The following IPCEF1 variants were observed in gnomAD, a reference collection of about 807,000 sequenced individuals.
The protein encoded by IPCEF1 is interactor protein for cytohesin exchange factors 1.
A neutral mutation model predicts 50.9 loss-of-function variants in IPCEF1; 31 were observed. The ratio of observed to expected loss-of-function variants is 0.61; its 90% confidence interval spans 0.46 to 0.82. The LOEUF is 0.82. Ranked by LOEUF, IPCEF1 falls within the 40% of genes least tolerant of loss-of-function variation. The pLI is 0.00. For synonymous variants in IPCEF1, 181 were observed against 192.0 expected (o/e 0.94, Z 0.47); for missense variants, 458 against 514.0 (o/e 0.89, Z 1.05).
At chr6:154,164,492 G>C (rs943516339) in intron 11 of IPCEF1, among the ~76,000 whole-genome samples, 12 of 152,348 alleles carry the variant, frequency 7.9e-5, no homozygotes, top group African/African-American at 2.9e-4. Context: ...CAGCAGCCCA[G>C]CTTCTCCTGG....
At chr6:154,194,347 T>C (rs2281618) in intron 10 of IPCEF1, among the ~76,000 whole-genome samples, 103,497 of 152,004 alleles carry the variant, frequency 0.68, 36,004 homozygotes, top group East Asian at 0.89. Context: ...TGCCGTGAGC[T>C]GAGATCACAC....
At chr6:154,269,809 G>A (rs961147456) in intron 2 of IPCEF1, among the ~76,000 whole-genome samples, 4 of 152,136 alleles carry the variant, frequency 2.6e-5, no homozygotes, top group Non-Finnish European at 5.9e-5. Flanking sequence ...AAGAAATGAG[G>A]GCTATGGAGA....
rs1300871403 is a variant in IPCEF1 at position 154,314,570 on chromosome 6, C to T, written c.-61-24814G>A. Among the ~76,000 whole-genome samples the T allele has an allele frequency of 2.6e-5, 4 of 152,030 alleles. No individual in the cohort carries two copies. The East Asian group carries it at 5.8e-4, about 22-fold the overall frequency. On this transcript the variant is annotated intron_variant, in intron 1 of 11. Coordinates refer to ENST00000367220, the MANE Select transcript of IPCEF1 (RefSeq NM_001130700.2). ...GTGTTTCTCTTTCTACCTTAGTATC[C>T]TAAGAATTCCTTTGCCTCATCTAAC... is the stretch of plus-strand genomic sequence containing the variant.
intron 2 of IPCEF1, among the ~76,000 whole-genome samples, chr6:154,281,824 G>GA (rs1328042657): frequency 6.6e-6 from 1 of 152,172 alleles, no homozygotes; most frequent in Non-Finnish European, 1.5e-5. Flanking sequence ...CCAACATGGT[G>GA]AAACCACGTC....
chr6:154,212,294 C>T (rs757188355), intron 9 of IPCEF1, among the ~76,000 whole-genome samples: 3 of 152,174 alleles, frequency 2.0e-5, no homozygotes, highest in Admixed American at 6.5e-5. Context: ...ATACACAAAT[C>T]GCTCCATGTG....
intron 1 of IPCEF1, among the ~76,000 whole-genome samples, chr6:154,320,030 C>T (rs1053878156): frequency 6.6e-6 from 1 of 152,160 alleles, no homozygotes; most frequent in Non-Finnish European, 1.5e-5. Flanking sequence ...ATATTCCCTT[C>T]CGAGCACTAA....
At position 154,329,498 on chromosome 6, in the gene IPCEF1, G is replaced by A. The variant is rs563524666; in HGVS notation, c.-62+27174C>T. Among the ~76,000 whole-genome samples, 20 of 152,104 alleles carry A rather than the reference G, an allele frequency of 1.3e-4. No individual in the cohort carries two copies. In the South Asian group the frequency reaches 2.7e-3, roughly 20 times the overall value. On this transcript the variant is annotated intron_variant, in intron 1 of 11. Coordinates refer to ENST00000367220, the MANE Select transcript of IPCEF1 (RefSeq NM_001130700.2). ...TGTAGTCCCAGCTACTCAGGAGGCC[G>A]AGGTGGGAGGATCACTTGAGCCCAG... is the stretch of plus-strand genomic sequence containing the variant.
rs1193006556 is a variant in IPCEF1, at chr6:154,337,219, T to G, written c.-62+19453A>C. 2.0e-5 allele frequency among the ~76,000 whole-genome samples: 3 copies of G among 152,172 alleles called. No homozygotes were observed. The East Asian group carries it at 5.8e-4, about 29-fold the overall frequency. On this transcript the variant is annotated intron_variant, in intron 1 of 11. Transcript: ENST00000367220. ...TCAGAAGTTCTATGCGAATAGGCAT[T>G]TGTAATTTAGAAGGAGATTTCCTTC... is the stretch of plus-strand genomic sequence containing the variant.
intron 3 of IPCEF1, among the ~76,000 whole-genome samples, chr6:154,254,021 C>T (rs1471031460): frequency 1.3e-5 from 2 of 151,994 alleles, no homozygotes; most frequent in Non-Finnish European, 2.9e-5. Flanking sequence ...CTTGTATCGC[C>T]TTGTTTTTCC....
chr6:154,169,626 T>C (rs1799712979), intron 10 of IPCEF1, among the ~76,000 whole-genome samples: 1 of 152,132 alleles, frequency 6.6e-6, no homozygotes, highest in African/African-American at 2.4e-5. Context: ...TGGTTTTGAG[T>C]AGAAAGTGAT....
intron 3 of IPCEF1, among the ~76,000 whole-genome samples, chr6:154,263,334 G>A (rs1420281705): frequency 6.8e-6 from 1 of 147,936 alleles, no homozygotes; most frequent in East Asian, 2.0e-4. Flanking sequence ...TGGAGGGAAG[G>A]TCAGCACATA....
At chr6:154,166,842 C>T (rs6941251) in intron 11 of IPCEF1, among the ~76,000 whole-genome samples, 94,379 of 152,090 alleles carry the variant, frequency 0.62, 30,024 homozygotes, top group African/African-American at 0.74. Flanking sequence ...TCATCAGCTT[C>T]GTACATACTG....
At chr6:154,300,055 T>G (rs1441940730) in intron 1 of IPCEF1, among the ~76,000 whole-genome samples, 1 of 140,888 alleles carries the variant, frequency 7.1e-6, no homozygotes, top group African/African-American at 2.5e-5. Context: ...CCAAGCCCCA[T>G]GCATGGAGGA....
intron 3 of IPCEF1, among the ~76,000 whole-genome samples, chr6:154,252,066 G>A (rs1358616595): frequency 3.9e-5 from 6 of 152,204 alleles, no homozygotes; most frequent in African/African-American, 1.4e-4. Flanking sequence ...CAGTATATAA[G>A]GGATTAGATA....
chr6:154,265,623 C>CA (rs1387446043), intron 3 of IPCEF1, among the ~76,000 whole-genome samples: 1 of 152,086 alleles, frequency 6.6e-6, no homozygotes, highest in Non-Finnish European at 1.5e-5. Flanking sequence ...ACAGAGGTTG[C>CA]ATGAGAGGTT....
At chr6:154,338,587 C>G (rs897999491) in intron 1 of IPCEF1, among the ~76,000 whole-genome samples, 1 of 152,210 alleles carries the variant, frequency 6.6e-6, no homozygotes, top group Non-Finnish European at 1.5e-5. Context: ...GCCAAACTAT[C>G]TGACCCATCT....
intron 7 of IPCEF1, among the ~76,000 whole-genome samples, chr6:154,214,587 G>T (rs1778233803): frequency 6.6e-6 from 1 of 152,112 alleles, no homozygotes; most frequent in Non-Finnish European, 1.5e-5. Context: ...GAAATTTTTA[G>T]CAACCATCAA....
chr6:154,207,206 T>G (rs1376802359), intron 9 of IPCEF1, among the ~76,000 whole-genome samples: 1 of 152,222 alleles, frequency 6.6e-6, no homozygotes, highest in Non-Finnish European at 1.5e-5. Flanking sequence ...CGTGACTGAC[T>G]GCCAGGAGAG....
chr6:154,282,445 G>A (rs1360359181), intron 2 of IPCEF1, among the ~76,000 whole-genome samples: 2 of 152,180 alleles, frequency 1.3e-5, no homozygotes, highest in African/African-American at 2.4e-5. Context: ...CACTTTGGGA[G>A]GCCAAGGTGG....
Sources: gnomAD v4.1 joint callset for allele counts (sites outside exome capture counted in the v4.1 genomes callset) on GRCh38, gnomAD v4.1.1 for gene constraint, MANE v1.5 for transcripts, NCBI Gene and HGNC (gene_info 2026-07-23, HGNC 2026-07-21) for gene names.